Variants in OR56A3 observed in about 807,000 individuals in gnomAD.
The protein encoded by OR56A3 is olfactory receptor family 56 subfamily A member 3.
A neutral mutation model predicts 17.5 loss-of-function variants in OR56A3; 23 were observed. The ratio of observed to expected loss-of-function variants is 1.32; its 90% CI spans 0.95 to 1.87. The LOEUF (loss-of-function observed/expected upper bound fraction) is 1.87. Ranked by LOEUF, OR56A3 falls within the 40% of genes most tolerant of loss-of-function variation. OR56A3 has a pLI of 0.00. For missense variants in OR56A3, 366 were observed against 380.1 expected (o/e 0.96, Z 0.31); for synonymous variants, 175 against 150.6 (o/e 1.16, Z -1.19).
rs374386220 is a variant in OR56A3 at position 5,948,262 on chromosome 11, G to A, written c.916G>A (p.Gly306Arg). ...GGTGAGAACCCAAGAAATTAAGCAG[G>A]GAATGCAGAGGTTGTTGAAGAAAGG... ...YGVRTQEIKQ[G>R]MQRLLKKGC is the part of the protein sequence containing the mutation. Residue 306 changes from glycine to arginine, a missense_variant, in exon 3 of 3, where the codon GGA becomes AGA. Coordinates refer to ENST00000641160, the MANE Select transcript of OR56A3 (RefSeq NM_001003443.3). 31 of 1,613,760 alleles carry A rather than the reference G, an allele frequency of 1.9e-5. No homozygotes were observed. The highest frequency in any genetic ancestry group is 5.3e-5 in the African/African-American group (4 of 74,914).
chr11:5,998,233 C>T, the OR56A3 span, among the ~76,000 whole-genome samples: 1 of 152,202 alleles, frequency 6.6e-6, no homozygotes, highest in African/African-American at 2.4e-5. Context: ...CTCACCTCCT[C>T]TGGCCAAGCT....
At chr11:6,002,974 C>T in the OR56A3 span, 12 of 1,613,986 alleles carry the variant, frequency 7.4e-6, no homozygotes, top group Admixed American at 5.0e-5. Flanking sequence ...GCAGTGGAGT[C>T]ATTGCTGGGA....
At chr11:6,010,623 T>G in the OR56A3 span, among the ~76,000 whole-genome samples, 1 of 152,192 alleles carries the variant, frequency 6.6e-6, no homozygotes, top group Non-Finnish European at 1.5e-5. Context: ...CCATCAGAAG[T>G]GTGAGAAAGA....
chr11:6,011,232 A>G, the OR56A3 span, among the ~76,000 whole-genome samples: 3 of 149,956 alleles, frequency 2.0e-5, no homozygotes, highest in Non-Finnish European at 4.4e-5. Flanking sequence ...ACACACATAT[A>G]TTTTATTTAA....
At chr11:5,987,196 A>C in the OR56A3 span, among the ~76,000 whole-genome samples, 1 of 152,188 alleles carries the variant, frequency 6.6e-6, no homozygotes, top group Non-Finnish European at 1.5e-5. Flanking sequence ...TATATTTTGG[A>C]ACTGTCAACT....
At chr11:5,959,425 C>T in the OR56A3 span, among the ~76,000 whole-genome samples, 2 of 152,032 alleles carry the variant, frequency 1.3e-5, no homozygotes, top group Admixed American at 6.5e-5. Flanking sequence ...TTAAGCATTT[C>T]TTTCTTATAC....
At chr11:5,957,917 A>G in the OR56A3 span, among the ~76,000 whole-genome samples, 1 of 152,206 alleles carries the variant, frequency 6.6e-6, no homozygotes, top group Non-Finnish European at 1.5e-5. Flanking sequence ...TCCTATAAAT[A>G]TGAAATTCTA....
chr11:5,964,887 C>T, the OR56A3 span, among the ~76,000 whole-genome samples: 1 of 148,664 alleles, frequency 6.7e-6, no homozygotes, highest in East Asian at 2.0e-4. Context: ...TTGCACTGTT[C>T]CCTGATGTTG....
At chr11:5,994,588 G>C in the OR56A3 span, 2 of 841,660 alleles carry the variant, frequency 2.4e-6, no homozygotes, top group African/African-American at 3.3e-5. Context: ...GAGTGACATT[G>C]GTGTCATCAA....
chr11:5,958,438 A>G, the OR56A3 span, among the ~76,000 whole-genome samples: 1 of 152,158 alleles, frequency 6.6e-6, no homozygotes, highest in Admixed American at 6.5e-5. Flanking sequence ...AAAATAATGA[A>G]TATCCTCTAC....
the OR56A3 span, among the ~76,000 whole-genome samples, chr11:5,957,948 G>C: frequency 1.3e-5 from 2 of 152,134 alleles, no homozygotes; most frequent in African/African-American, 2.4e-5. Flanking sequence ...AATCAGAAAA[G>C]TGGTGGCCAA....
chr11:6,005,542 G>A, the OR56A3 span, among the ~76,000 whole-genome samples: 2 of 152,120 alleles, frequency 1.3e-5, no homozygotes, highest in African/African-American at 4.8e-5. Flanking sequence ...TATTTGAAAA[G>A]GAACGTGATA....
At position 5,946,357 on chromosome 11, in the gene OR56A3, T is replaced by G. The variant is rs77674893; in HGVS notation, c.-36-954T>G. Among the ~76,000 whole-genome samples the G allele has an allele frequency of 6.6e-3, 1,005 of 152,312 alleles. 8 individuals are homozygous for G. The highest frequency in any genetic ancestry group is 0.023 in the African/African-American group (959 of 41,572). On this transcript the variant is annotated intron_variant, in intron 2 of 2. Transcript: ENST00000641160. ...AGTGAAAATAAGGACAGTTTCTTAT[T>G]AAATTTTGTGATGCTGGTACCTAAC... is the stretch of plus-strand genomic sequence containing the variant.
the OR56A3 span, chr11:6,002,231 G>A: frequency 3.1e-6 from 5 of 1,614,134 alleles, no homozygotes; most frequent in Middle Eastern, 1.6e-4. Flanking sequence ...GGACTGTGCT[G>A]AAGAAGAGGA....
rs563117940 is a variant in OR56A3, at chr11:5,949,194, T to A, written c.*900T>A. 3 of 152,346 alleles carry A rather than the reference T, an allele frequency of 2.0e-5. No individual in the cohort carries two copies. The South Asian group carries it at 6.2e-4, about 32-fold the overall frequency. The allele number at this position is 152,346 out of a possible 1,614,324, so 9.4% of individuals were successfully genotyped here. ...AGCACACATGGTGTCCTGTGAATTA[T>A]GTTAGCTATTAAGAAACAAAAATAA... On this transcript the variant is annotated 3_prime_UTR_variant, in exon 3 of 3. Transcript: ENST00000641160.
chr11:5,995,098 G>T, the OR56A3 span: 7 of 594,130 alleles, frequency 1.2e-5, no homozygotes, highest in Admixed American at 2.4e-5. Flanking sequence ...ATAGCTGGGC[G>T]GCTGGACGCA....
chr11:6,009,137 G>A, the OR56A3 span, among the ~76,000 whole-genome samples: 1 of 152,164 alleles, frequency 6.6e-6, no homozygotes, highest in African/African-American at 2.4e-5. Context: ...AAAGTCACCA[G>A]TTAACACAAA....
chr11:5,997,117 A>T, the OR56A3 span, among the ~76,000 whole-genome samples: 6 of 152,196 alleles, frequency 3.9e-5, no homozygotes, highest in Non-Finnish European at 8.8e-5. Context: ...CGAATTCAAG[A>T]ACCTTCACTC....
At chr11:5,991,128 G>A in the OR56A3 span, among the ~76,000 whole-genome samples, 1 of 152,210 alleles carries the variant, frequency 6.6e-6, no homozygotes, top group African/African-American at 2.4e-5. Flanking sequence ...CAAGGTCTAT[G>A]CAGCTAAAAT....
Sources: allele counts gnomAD v4.1 joint callset (sites outside exome capture counted in the v4.1 genomes callset), GRCh38; gene constraint gnomAD v4.1.1; transcripts MANE v1.5; gene names NCBI Gene and HGNC (gene_info 2026-07-23, HGNC 2026-07-21).